Variants in PPP1R9A observed in about 807,000 individuals in gnomAD.
PPP1R9A encodes the protein protein phosphatase 1 regulatory subunit 9A.
PPP1R9A carries 59 observed loss-of-function variants against 141.9 expected under a neutral mutation model. The observed-to-expected ratio is 0.42, with a 90% CI of 0.34 to 0.52. PPP1R9A has a LOEUF of 0.52. PPP1R9A is among the 20% of genes least tolerant of loss of function. The pLI is 0.10. For synonymous variants in PPP1R9A, 500 were observed against 569.7 expected (o/e 0.88, Z 1.74); for missense variants, 1,444 against 1,611.9 (o/e 0.90, Z 1.78).
chr7:95,228,338 A>G (rs1450741301), intron 8 of PPP1R9A, among the ~76,000 whole-genome samples: 1 of 152,184 alleles, frequency 6.6e-6, no homozygotes, highest in Admixed American at 6.6e-5. Flanking sequence ...TGAAATATTT[A>G]TGGAATGAAT....
chr7:95,214,547 C>A (rs1792872747), intron 7 of PPP1R9A, among the ~76,000 whole-genome samples: 1 of 152,044 alleles, frequency 6.6e-6, no homozygotes, highest in South Asian at 2.1e-4. Flanking sequence ...TGAGAAGTGG[C>A]ATTCCATTAC....
intron 5 of PPP1R9A, among the ~76,000 whole-genome samples, chr7:95,185,363 C>T (rs2152810491): frequency 8.0e-6 from 1 of 124,678 alleles, no homozygotes; most frequent in South Asian, 2.5e-4. Context: ...TGTCCCTAGC[C>T]CACTTTTTTA....
At chr7:95,183,562 T>C (rs949008036) in intron 5 of PPP1R9A, among the ~76,000 whole-genome samples, 6 of 150,012 alleles carry the variant, frequency 4.0e-5, no homozygotes, top group Admixed American at 1.3e-4. Context: ...GTGATTCTCC[T>C]GCCTCAGCCT....
chr7:95,221,036 A>C (rs2152941610), intron 7 of PPP1R9A, among the ~76,000 whole-genome samples: 1 of 152,232 alleles, frequency 6.6e-6, no homozygotes, highest in East Asian at 1.9e-4. Context: ...TTGCTTATAA[A>C]AGATTCATGT....
At chr7:94,965,155 G>T (rs1166441583) in intron 2 of PPP1R9A, among the ~76,000 whole-genome samples, 1 of 151,856 alleles carries the variant, frequency 6.6e-6, no homozygotes, top group African/African-American at 2.4e-5. Context: ...CCCACTTCTT[G>T]GTGGGGTTGT....
chr7:95,023,539 C>T (rs1226101330), intron 2 of PPP1R9A, among the ~76,000 whole-genome samples: 7 of 151,138 alleles, frequency 4.6e-5, no homozygotes, highest in African/African-American at 4.9e-5. Context: ...TTTATTTGCC[C>T]GTTGCTTTTC....
At chr7:95,110,388 G>C (rs1820343774) in intron 2 of PPP1R9A, among the ~76,000 whole-genome samples, 1 of 152,008 alleles carries the variant, frequency 6.6e-6, no homozygotes, top group Non-Finnish European at 1.5e-5. Flanking sequence ...AGTTTCTTTA[G>C]GCACAGTTTA....
intron 1 of PPP1R9A, among the ~76,000 whole-genome samples, chr7:94,909,403 T>C (rs1449131631): frequency 6.6e-6 from 1 of 152,230 alleles, no homozygotes; most frequent in Non-Finnish European, 1.5e-5. Context: ...AAGTAAAATA[T>C]GCCGCTGTAG....
At chr7:94,985,686 A>C (rs1429490861) in intron 2 of PPP1R9A, among the ~76,000 whole-genome samples, 1 of 151,958 alleles carries the variant, frequency 6.6e-6, no homozygotes, top group Non-Finnish European at 1.5e-5. Flanking sequence ...TGCTTGGTAC[A>C]TCTTCCTCCG....
chr7:95,073,014 C>T (rs910174287), intron 2 of PPP1R9A, among the ~76,000 whole-genome samples: 1 of 140,622 alleles, frequency 7.1e-6, no homozygotes, highest in Non-Finnish European at 1.5e-5. Flanking sequence ...GAGACAGAGT[C>T]TCACTCTCTT....
intron 2 of PPP1R9A, among the ~76,000 whole-genome samples, chr7:95,002,816 GT>G (rs1210683736): frequency 2.0e-5 from 3 of 152,256 alleles, no homozygotes; most frequent in African/African-American, 7.2e-5. Context: ...TCCTTAAACT[GT>G]GATGTAAGTG....
intron 8 of PPP1R9A, among the ~76,000 whole-genome samples, chr7:95,245,396 C>G (rs1472524040): frequency 6.6e-6 from 1 of 152,062 alleles, no homozygotes. Flanking sequence ...GGTTTTAGTT[C>G]TGGTTTTAAT....
rs118166941 is a variant in PPP1R9A, at chr7:95,097,932, C to G, written c.1396-13327C>G. On this transcript the variant is annotated intron_variant, in intron 2 of 19. Transcript: ENST00000433360. The stretch of plus-strand genomic sequence containing the variant: ...GAGTCTGGCTATGAAGGTCTGAAAT[C>G]TGTAGGGCAGGCAGTGAAGATGGGA... 3.9e-3 allele frequency among the ~76,000 whole-genome samples: 598 copies of G among 152,316 alleles called. 23 individuals are homozygous for G. Among genetic ancestry groups the G allele is most frequent in the East Asian group, 0.037 (194 of 5,182 alleles).
At chr7:95,010,105 A>G (rs1038549948) in intron 2 of PPP1R9A, among the ~76,000 whole-genome samples, 2 of 152,194 alleles carry the variant, frequency 1.3e-5, no homozygotes, top group Non-Finnish European at 2.9e-5. Context: ...ATTAAATTTC[A>G]TACTGGCTGG....
chr7:95,076,519 C>T (rs559501179), intron 2 of PPP1R9A, among the ~76,000 whole-genome samples: 14 of 152,246 alleles, frequency 9.2e-5, no homozygotes, highest in Non-Finnish European at 1.9e-4. Flanking sequence ...TCTACTCCTA[C>T]ACTAGTAATA....
intron 2 of PPP1R9A, among the ~76,000 whole-genome samples, chr7:95,060,344 G>A (rs556579094): frequency 1.3e-5 from 2 of 152,154 alleles, no homozygotes; most frequent in African/African-American, 2.4e-5. Flanking sequence ...AGGGGGTGGG[G>A]CAGATTTGGG....
At chr7:94,989,070 T>G (rs1410410864) in intron 2 of PPP1R9A, among the ~76,000 whole-genome samples, 2 of 152,064 alleles carry the variant, frequency 1.3e-5, no homozygotes, top group Non-Finnish European at 2.9e-5. Flanking sequence ...TGCATCAGAA[T>G]TACCTGGAAG....
chr7:95,164,209 C>T (rs1030505180), intron 5 of PPP1R9A, among the ~76,000 whole-genome samples: 1 of 152,138 alleles, frequency 6.6e-6, no homozygotes, highest in Non-Finnish European at 1.5e-5. Flanking sequence ...GTGAGAGTTC[C>T]TATTGCTCCA....
At chr7:95,030,432 A>G (rs948879182) in intron 2 of PPP1R9A, among the ~76,000 whole-genome samples, 1 of 152,156 alleles carries the variant, frequency 6.6e-6, no homozygotes, top group Admixed American at 6.5e-5. Context: ...AGTTCCTCTG[A>G]GACTGTAGAG....
Sources: allele counts gnomAD v4.1 joint callset (sites outside exome capture counted in the v4.1 genomes callset), GRCh38; gene constraint gnomAD v4.1.1; transcripts MANE v1.5; gene names NCBI Gene and HGNC (gene_info 2026-07-23, HGNC 2026-07-21).